DAB1: variants seen among roughly 807,000 people sequenced by gnomAD.
The protein encoded by DAB1 is DAB adaptor protein 1, also known as disabled homolog 1.
DAB1 carries 15 observed loss-of-function variants against 64.6 expected under a neutral mutation model. That is an observed-to-expected ratio of 0.23 (90% CI 0.16 to 0.36). DAB1 has a LOEUF of 0.36. Among genes scored for constraint, DAB1 ranks in the 10% least tolerant of loss-of-function variants. DAB1 has a pLI of 1.00. For missense variants in DAB1, 596 were observed against 706.7 expected, an observed-to-expected ratio of 0.84 and a Z score of 1.78; for synonymous variants, 235 against 251.9, an observed-to-expected ratio of 0.93 and a Z score of 0.64.
At chr1:58,451,201 C>T (rs369775404) in intron 3 of DAB1, among the ~76,000 whole-genome samples, 40 of 152,308 alleles carry the variant, frequency 2.6e-4, no homozygotes, top group African/African-American at 9.1e-4. Flanking sequence ...GCAATCCTCC[C>T]GCCTTAGCCT....
At chr1:57,594,936 T>G (rs1041239404) in intron 7 of DAB1, among the ~76,000 whole-genome samples, 7 of 151,996 alleles carry the variant, frequency 4.6e-5, no homozygotes, top group South Asian at 2.1e-4. Flanking sequence ...GTTCTCGATC[T>G]CCTGACCTCA....
At chr1:57,315,144 C>T (rs1053370866) in intron 1 of DAB1, among the ~76,000 whole-genome samples, 6 of 152,130 alleles carry the variant, frequency 3.9e-5, no homozygotes, top group Non-Finnish European at 8.8e-5. Context: ...TTGGCTCCTT[C>T]TTGTCTTATA....
intron 2 of DAB1, among the ~76,000 whole-genome samples, chr1:57,192,328 GAAAA>G (rs10714135): frequency 1.4e-5 from 2 of 142,738 alleles, no homozygotes; most frequent in African/African-American, 2.6e-5. Context: ...CTCAAAAGCG[GAAAA>G]AAAAAAAAAA....
intron 6 of DAB1, among the ~76,000 whole-genome samples, chr1:57,667,193 C>G (rs1223629654): frequency 6.6e-6 from 1 of 152,122 alleles, no homozygotes; most frequent in Admixed American, 6.6e-5. Flanking sequence ...GAAATCTTTG[C>G]TAAAATGATC....
intron 3 of DAB1, among the ~76,000 whole-genome samples, chr1:58,344,549 CT>C (rs1643974047): frequency 6.6e-6 from 1 of 152,176 alleles, no homozygotes; most frequent in Non-Finnish European, 1.5e-5. Flanking sequence ...CCTCCACCCC[CT>C]GCCTCAGTCT....
chr1:57,999,910 G>A (rs1301149456), intron 5 of DAB1, among the ~76,000 whole-genome samples: 2 of 150,842 alleles, frequency 1.3e-5, no homozygotes, highest in African/African-American at 2.4e-5. Flanking sequence ...GGAGTTAAAG[G>A]AAGAAAAGAA....
At chr1:58,323,093 G>C (rs1016932191) in intron 4 of DAB1, among the ~76,000 whole-genome samples, 1 of 151,696 alleles carries the variant, frequency 6.6e-6, no homozygotes, top group Non-Finnish European at 1.5e-5. Flanking sequence ...CCTATTGTGG[G>C]GTGGGGGGCA....
intron 5 of DAB1, among the ~76,000 whole-genome samples, chr1:57,072,077 A>C (rs1223053232): frequency 6.6e-6 from 1 of 151,790 alleles, no homozygotes; most frequent in Non-Finnish European, 1.5e-5. Flanking sequence ...AAAAAAAAAA[A>C]AAAACAGAAA....
chr1:58,157,357 G>A lies in DAB1; in HGVS notation n.310-6769C>T, dbSNP rs374502120. Among the ~76,000 whole-genome samples the A allele has an allele frequency of 5.3e-5, 8 of 152,228 alleles. 1 individual carries two copies. On this transcript the variant is annotated intron_variant and non_coding_transcript_variant, in intron 4 of 20. Coordinates refer to the DAB1 transcript ENST00000485760. ...TTCCTAAGCGGCTGCCCTCATTGTG[G>A]GCACCAGCCTGTGTGATAACATTAT...
chr1:57,092,673 AG>A (rs59523836), intron 4 of DAB1, among the ~76,000 whole-genome samples: 4,171 of 75,156 alleles, frequency 0.055, 156 homozygotes, highest in African/African-American at 0.15. Context: ...CTGGCGGGGG[AG>A]GGGGGTGGGG....
rs72912352 is a variant in DAB1 at position 58,291,740 on chromosome 1, C to T, written n.309+51612G>A. ...CCCAGTTTTCATTGTGGGAACCTGGCGGGGGGAGACATAGAGACGTTAACT... is the reference window on the plus strand; with the variant it reads ...CCCAGTTTTCATTGTGGGAACCTGGTGGGGGGAGACATAGAGACGTTAACT... On this transcript the variant is annotated intron_variant and non_coding_transcript_variant, in intron 4 of 20. Coordinates refer to the DAB1 transcript ENST00000485760. Among the ~76,000 whole-genome samples, 1,095 of 152,146 alleles carry T rather than the reference C, an allele frequency of 7.2e-3. 14 individuals are homozygous for T. The highest frequency in any genetic ancestry group is 0.025 in the African/African-American group (1,019 of 41,504).
intron 1 of DAB1, among the ~76,000 whole-genome samples, chr1:57,838,629 G>C (rs1198070302): frequency 2.0e-5 from 3 of 152,120 alleles, no homozygotes; most frequent in African/African-American, 7.2e-5. Context: ...GCTGACTGTG[G>C]CTCTGCCATT....
intron 2 of DAB1, among the ~76,000 whole-genome samples, chr1:57,206,210 A>G (rs934957044): frequency 6.6e-6 from 1 of 152,138 alleles, no homozygotes; most frequent in Non-Finnish European, 1.5e-5. Context: ...GCTTTGGAGG[A>G]GAAGAGGAGG....
At chr1:57,087,595 C>G (rs1339479306) in intron 4 of DAB1, among the ~76,000 whole-genome samples, 1 of 152,074 alleles carries the variant, frequency 6.6e-6, no homozygotes, top group South Asian at 2.1e-4. Context: ...TCTCTGCAAT[C>G]GGAAGGAGAG....
rs1486578527 is a variant in DAB1, at chr1:58,497,775, C to T, written n.257+8285G>A. Among the ~76,000 whole-genome samples the T allele has an allele frequency of 2.0e-5, 3 of 152,242 alleles. No individual in the cohort carries two copies. The East Asian group carries it at 5.8e-4, about 29-fold the overall frequency. On this transcript the variant is annotated intron_variant and non_coding_transcript_variant, in intron 3 of 20. Transcript: ENST00000485760. ...GTACAATCTACATAACAAACCTTAC[C>T]CTTGCTCACTGCTTTTCCTGACCAC...
chr1:57,565,230 T>C (rs1417363713), intron 7 of DAB1, among the ~76,000 whole-genome samples: 1 of 152,140 alleles, frequency 6.6e-6, no homozygotes, highest in African/African-American at 2.4e-5. Flanking sequence ...TGCTGAGAGA[T>C]TTTGTCATCA....
At chr1:57,261,010 T>C (rs879514671) in intron 2 of DAB1, among the ~76,000 whole-genome samples, 1 of 152,202 alleles carries the variant, frequency 6.6e-6, no homozygotes, top group Non-Finnish European at 1.5e-5. Flanking sequence ...TTAATGATAA[T>C]AGCTGTGTGG....
chr1:58,401,929 C>T (rs1037795640), intron 3 of DAB1, among the ~76,000 whole-genome samples: 2 of 152,174 alleles, frequency 1.3e-5, no homozygotes, highest in African/African-American at 4.8e-5. Flanking sequence ...TAAGGTGCTC[C>T]ATATTTGCTG....
At chr1:58,043,164 T>C (rs1158374827) in intron 5 of DAB1, among the ~76,000 whole-genome samples, 3 of 152,182 alleles carry the variant, frequency 2.0e-5, no homozygotes, top group Non-Finnish European at 2.9e-5. Context: ...CACAAGGTAG[T>C]AAGAAGACAG....
Sources: gnomAD v4.1 joint callset for allele counts (sites outside exome capture counted in the v4.1 genomes callset) on GRCh38, gnomAD v4.1.1 for gene constraint, MANE v1.5 for transcripts, NCBI Gene and HGNC (gene_info 2026-07-23, HGNC 2026-07-21) for gene names.